DTNB: variants seen among roughly 807,000 people sequenced by gnomAD.
DTNB encodes the protein dystrobrevin beta.
Under a neutral mutation model 90.7 loss-of-function variants are expected in DTNB, and 63 were observed. That is an observed-to-expected ratio of 0.69 (90% CI 0.57 to 0.86). DTNB has a LOEUF of 0.86. Ranked by LOEUF, DTNB falls within the 40% of genes least tolerant of loss-of-function variation. DTNB has a pLI of 0.00. For synonymous variants in DTNB, 277 were observed against 286.7 expected (o/e 0.97, Z 0.34); for missense variants, 744 against 807.1 (o/e 0.92, Z 0.95).
In DTNB at chr2:25,433,893, A is replaced by C. The variant is rs373111787; in HGVS notation, c.1343+17T>G. On this transcript the variant is annotated intron_variant, in intron 13 of 20. Coordinates refer to ENST00000406818, the MANE Select transcript of DTNB (RefSeq NM_021907.5). ...AATCCTGGACTCTGGAAGTGGGCTC[A>C]GCCTCTGCGTTCTTACCTGTTTTTG... 23 of 1,613,094 alleles carry C rather than the reference A, an allele frequency of 1.4e-5. No individual in the cohort carries two copies. Among genetic ancestry groups the C allele is most frequent in the Non-Finnish European group, 1.9e-5 (22 of 1,179,284 alleles).
chr2:25,583,825 T>G (rs1285047927), intron 6 of DTNB, among the ~76,000 whole-genome samples: 1 of 144,370 alleles, frequency 6.9e-6, no homozygotes, highest in Non-Finnish European at 1.5e-5. Flanking sequence ...AATCATGGAG[T>G]TTTTTTTTTT....
Position 25,537,758 on chromosome 2 carries a change from G to C in DTNB, c.877-6161C>G, listed in dbSNP as rs1159323256. Among the ~76,000 whole-genome samples the C allele has an allele frequency of 3.9e-5, 6 of 152,308 alleles. No homozygotes were observed. In the East Asian group the frequency reaches 1.2e-3, roughly 29 times the overall value. On this transcript the variant is annotated intron_variant, in intron 8 of 20. Coordinates refer to ENST00000406818, the MANE Select transcript of DTNB (RefSeq NM_021907.5). Reference sequence around the variant, plus strand: ...ACAGGGGCATTAGCTCTTCTGTCCAGTCAGCCCCTAGGACAAGGCCCCAGA... The same window carrying C: ...ACAGGGGCATTAGCTCTTCTGTCCACTCAGCCCCTAGGACAAGGCCCCAGA...
At position 25,576,989 on chromosome 2, in the gene DTNB, T is replaced by C. The variant is rs753593540; in HGVS notation, c.725A>G (p.Glu242Gly). 1 of 1,607,582 alleles carries C rather than the reference T, an allele frequency of 6.2e-7. No individual in the cohort carries two copies. ...ACTCTCACATCGGCAGTAGGAGCAC[T>C]CCACGGGATGGAAGACTTGTGGACA... ...AHVENVFHPV[E>G]CSYCRCESMM... Residue 242 changes from glutamate to glycine, a missense_variant, in exon 8 of 21, where the codon GAG (glutamate) becomes GGG (glycine). Physicochemically the swap from Glu to Gly is moderately conservative, Grantham distance 98 (BLOSUM62 -2). Transcript: ENST00000406818.
intron 9 of DTNB, among the ~76,000 whole-genome samples, chr2:25,524,300 A>G (rs530966455): frequency 6.6e-6 from 1 of 152,248 alleles, no homozygotes; most frequent in African/African-American, 2.4e-5. Flanking sequence ...TGTAAGACAT[A>G]GAAACTCAAA....
intron 1 of DTNB, among the ~76,000 whole-genome samples, chr2:25,665,625 C>CA (rs879677956): frequency 1.7e-3 from 222 of 133,494 alleles, no homozygotes; most frequent in East Asian, 4.1e-3. Context: ...GACTCCGTCT[C>CA]AAAAAAAAAA....
chr2:25,551,249 C>T lies in DTNB; in HGVS notation c.877-19652G>A, dbSNP rs78145603. Among the ~76,000 whole-genome samples, 842 of 152,214 alleles carry T rather than the reference C, an allele frequency of 5.5e-3. 10 individuals carry two copies. The highest frequency in any genetic ancestry group is 0.031 in the East Asian group (160 of 5,184). On this transcript the variant is annotated intron_variant, in intron 8 of 20. Transcript: ENST00000406818. The stretch of plus-strand genomic sequence containing the variant: ...ATTATGATTTCTGCTTGTTTTAATG[C>T]GCATGAAAGTCTATCCTTGGTCTTC...
intron 8 of DTNB, among the ~76,000 whole-genome samples, chr2:25,554,778 G>A (rs780497264): frequency 1.1e-4 from 17 of 152,152 alleles, no homozygotes; most frequent in Non-Finnish European, 2.4e-4. Context: ...AACTGTTGTA[G>A]GGTACATGCA....
chr2:25,462,849 G>C (rs975894930), intron 10 of DTNB, among the ~76,000 whole-genome samples: 8 of 151,996 alleles, frequency 5.3e-5, no homozygotes, highest in Non-Finnish European at 7.4e-5. Flanking sequence ...GACTACAGGC[G>C]CCCGCCACCA....
chr2:25,468,754 G>T (rs1263977311), intron 10 of DTNB, among the ~76,000 whole-genome samples: 2 of 152,120 alleles, frequency 1.3e-5, no homozygotes, highest in Non-Finnish European at 2.9e-5. Flanking sequence ...TGTGTTCTTG[G>T]TCAATGACAG....
intron 12 of DTNB, among the ~76,000 whole-genome samples, chr2:25,446,418 T>C (rs982325923): frequency 6.6e-6 from 1 of 152,064 alleles, no homozygotes; most frequent in East Asian, 1.9e-4. Flanking sequence ...GTTTTTTTTT[T>C]CTAACTTTTC....
At chr2:25,639,371 CTA>C (rs2077744943) in intron 2 of DTNB, 1 of 268,026 alleles carries the variant, frequency 3.7e-6, no homozygotes, top group South Asian at 9.3e-5. Flanking sequence ...AGTGAGTGAA[CTA>C]TGATTAGGAA....
chr2:25,429,293 G>A (rs932157315), intron 14 of DTNB, among the ~76,000 whole-genome samples: 4 of 152,062 alleles, frequency 2.6e-5, no homozygotes, highest in Non-Finnish European at 5.9e-5. Flanking sequence ...TTTCAATGAG[G>A]CTGTTAGAAA....
chr2:25,555,079 G>A (rs1030577399), intron 8 of DTNB, among the ~76,000 whole-genome samples: 5 of 151,754 alleles, frequency 3.3e-5, no homozygotes, highest in Admixed American at 2.0e-4. Flanking sequence ...GGCGGATCAC[G>A]AAGTCAGGAG....
At chr2:25,517,365 T>C (rs1034769351) in intron 9 of DTNB, among the ~76,000 whole-genome samples, 2 of 152,122 alleles carry the variant, frequency 1.3e-5, no homozygotes, top group African/African-American at 4.8e-5. Context: ...GTGGCAATGG[T>C]TGCAAAATTG....
Position 25,648,460 on chromosome 2 carries a change from T to G in DTNB, c.67+4134A>C, listed in dbSNP as rs2080027941. On this transcript the variant is annotated intron_variant, in intron 2 of 20. Coordinates refer to ENST00000406818, the MANE Select transcript of DTNB (RefSeq NM_021907.5). ...TTATATAAAGTCATAATAGTAAAGG[T>G]AACACAAGGTTGAAAAATACAAACT... is the stretch of plus-strand genomic sequence containing the variant. Among the ~76,000 whole-genome samples, 6 of 152,200 alleles carry G rather than the reference T, an allele frequency of 3.9e-5. No homozygotes were observed. The South Asian group carries it at 1.2e-3, about 32-fold the overall frequency.
intron 9 of DTNB, among the ~76,000 whole-genome samples, chr2:25,505,652 T>C (rs937282310): frequency 6.6e-6 from 1 of 152,146 alleles, no homozygotes; most frequent in African/African-American, 2.4e-5. Flanking sequence ...CATCAAAAGC[T>C]TGCTGTCACT....
chr2:25,492,204 A>G (rs759187609), intron 9 of DTNB, among the ~76,000 whole-genome samples: 1 of 152,192 alleles, frequency 6.6e-6, no homozygotes, highest in African/African-American at 2.4e-5. Context: ...TCCCCATCAT[A>G]TTATTAGAAC....
At chr2:25,638,691 C>T (rs1020800168) in intron 3 of DTNB, among the ~76,000 whole-genome samples, 9 of 152,126 alleles carry the variant, frequency 5.9e-5, no homozygotes, top group African/African-American at 1.9e-4. Context: ...CATTGTTTTT[C>T]TTTTCCTCCA....
At chr2:25,579,822 T>C (rs72797651) in intron 7 of DTNB, among the ~76,000 whole-genome samples, 1 of 152,210 alleles carries the variant, frequency 6.6e-6, no homozygotes, top group Non-Finnish European at 1.5e-5. Context: ...TATACAGTTT[T>C]TTAGAGATAT....
Sources: allele counts gnomAD v4.1 joint callset (sites outside exome capture counted in the v4.1 genomes callset), GRCh38; gene constraint gnomAD v4.1.1; transcripts MANE v1.5; gene names NCBI Gene and HGNC (gene_info 2026-07-23, HGNC 2026-07-21).